PCDHGB4: variants seen among roughly 807,000 people sequenced by gnomAD.
PCDHGB4 encodes the protein protocadherin gamma subfamily B, 4.
Under a neutral mutation model 60.5 loss-of-function variants are expected in PCDHGB4, and 38 were observed. The observed-to-expected ratio is 0.63, with a 90% CI of 0.48 to 0.82. The LOEUF is 0.82. Among genes scored for constraint, PCDHGB4 ranks in the 40% least tolerant of loss-of-function variants. The pLI is 0.00. For missense variants in PCDHGB4, 1,109 were observed against 1,209.6 expected (o/e 0.92, Z 1.23); for synonymous variants, 456 against 509.7 (o/e 0.89, Z 1.42).
rs1030000451 is a variant in PCDHGB4, at chr5:141,432,417, T to G, written c.2397+42136T>G. 2.5e-6 allele frequency: 4 copies of G among 1,614,124 alleles called. No individual in the cohort carries two copies. In the African/African-American group the frequency reaches 5.3e-5, roughly 22 times the overall value. On this transcript the variant is annotated intron_variant, in intron 1 of 3. Coordinates refer to ENST00000519479, the MANE Select transcript of PCDHGB4 (RefSeq NM_003736.4). This position sits in a 1 kb window ranked among gnomAD's most constrained non-coding sequence, Gnocchi z 6.0. The stretch of plus-strand genomic sequence containing the variant: ...AACGTGTCGTTGAGCCTGTTCGTGC[T>G]GGACCAGAACGACAATGCGCCCGAG...
chr5:141,444,240 C>A (rs1017550385), intron 1 of PCDHGB4, among the ~76,000 whole-genome samples: 1 of 128,688 alleles, frequency 7.8e-6, no homozygotes, highest in Admixed American at 9.7e-5. Flanking sequence ...GGCATGCTCT[C>A]GGCTCACTGC....
chr5:141,471,789 TCATATAAAAGA>T (rs777265354), intron 1 of PCDHGB4, among the ~76,000 whole-genome samples: 14 of 152,224 alleles, frequency 9.2e-5, no homozygotes, highest in Non-Finnish European at 1.9e-4. Flanking sequence ...TTATGCTATG[TCATATAAAAGA>T]CATATAAAAG....
chr5:141,395,016 G>GTGCC (rs1354536790), intron 1 of PCDHGB4: 2 of 1,613,950 alleles, frequency 1.2e-6, no homozygotes, highest in Non-Finnish European at 1.7e-6. Flanking sequence ...ATTGGTAGGC[G>GTGCC]TGCCTGCCTC....
Position 141,489,434 on chromosome 5 carries a change from A to G in PCDHGB4, c.2398-5373A>G. On this transcript the variant is annotated intron_variant, in intron 1 of 3. Transcript: ENST00000519479. This position sits in a 1 kb window ranked among gnomAD's most constrained non-coding sequence, Gnocchi z 4.5. ...ACAGATCTGTTGAGCCGGCGGCTGC[A>G]ATTGGGCTCTGAGGAGAATGGGCGC... 6.2e-7 allele frequency: 1 copy of G among 1,614,138 alleles called. No individual in the cohort carries two copies. The highest frequency in any genetic ancestry group is 8.5e-7 in the Non-Finnish European group (1 of 1,180,044).
At chr5:141,400,415 T>C (rs1054517262) in intron 1 of PCDHGB4, 16 of 1,614,080 alleles carry the variant, frequency 9.9e-6, no homozygotes, top group Non-Finnish European at 1.3e-5. Flanking sequence ...TTTAATTTCC[T>C]AAAATGTAGT....
At chr5:141,433,215 T>A (rs755571112) in intron 1 of PCDHGB4, 1 of 1,568,720 alleles carries the variant, frequency 6.4e-7, no homozygotes, top group South Asian at 1.2e-5. Flanking sequence ...TTTCTTTTTT[T>A]TTTTTAATTG....
At chr5:141,419,449 C>T (rs780917543) in intron 1 of PCDHGB4, 5 of 1,612,958 alleles carry the variant, frequency 3.1e-6, no homozygotes, top group Non-Finnish European at 4.2e-6. Context: ...CCTTCGAGCT[C>T]ACGCTGCAGG....
In PCDHGB4 at chr5:141,438,591, C is replaced by T. The variant is rs12717894; in HGVS notation, c.2397+48310C>T. 3.5e-3 allele frequency among the ~76,000 whole-genome samples: 262 copies of T among 75,376 alleles called. 1 individual carries two copies. The highest frequency in any genetic ancestry group is 4.5e-3 in the Non-Finnish European group (168 of 37,204). 49.4% of individuals were successfully genotyped at this position (75,376 alleles called of 152,430 possible). ...TCTGATATACATACATACATACATA[C>T]ATATATATATATATATATATATATA... On this transcript the variant is annotated intron_variant, in intron 1 of 3. Transcript: ENST00000519479.
In PCDHGB4 at chr5:141,489,950, A is replaced by G; in HGVS notation, c.2398-4857A>G. 2 of 1,614,192 alleles carry G rather than the reference A, an allele frequency of 1.2e-6. No individual in the cohort carries two copies. The highest frequency in any genetic ancestry group is 1.1e-5 in the South Asian group (1 of 91,088). ...TCTGTCATCGTGCTGGACATCAATG[A>G]TAATGCTCCAACCTTCCAATCCTCA... On this transcript the variant is annotated intron_variant, in intron 1 of 3. Transcript: ENST00000519479. The surrounding 1 kb of genome is among the most constrained non-coding windows in gnomAD (Gnocchi z 4.5).
In PCDHGB4 at chr5:141,511,402, A is replaced by C; in HGVS notation, c.*229A>C. On this transcript the variant is annotated 3_prime_UTR_variant, in exon 4 of 4. Transcript: ENST00000519479. Reference sequence around the variant, plus strand: ...TTCCGCTGGGAACCCCCATCCAATCAACTGCTGTACCCATGGGGGTAGTGG... The same window carrying C: ...TTCCGCTGGGAACCCCCATCCAATCCACTGCTGTACCCATGGGGGTAGTGG... The C allele has an allele frequency of 1.0e-6, 1 of 969,684 alleles. No individual in the cohort carries two copies. 60.1% of individuals were successfully genotyped at this position (969,684 alleles called of 1,614,324 possible).
intron 1 of PCDHGB4, chr5:141,409,913 G>A: frequency 6.2e-7 from 1 of 1,613,334 alleles, no homozygotes; most frequent in South Asian, 1.1e-5. Flanking sequence ...GGGTCCTGAC[G>A]GCTCCGCGTT....
intron 1 of PCDHGB4, among the ~76,000 whole-genome samples, chr5:141,461,739 C>T (rs1048636018): frequency 3.9e-5 from 6 of 152,134 alleles, no homozygotes; most frequent in Non-Finnish European, 7.4e-5. Context: ...GGCACAATCC[C>T]GGCTCCCAGA....
intron 1 of PCDHGB4, among the ~76,000 whole-genome samples, chr5:141,435,227 G>T (rs1461159947): frequency 1.3e-5 from 2 of 152,030 alleles, no homozygotes; most frequent in African/African-American, 4.8e-5. Context: ...TTCTTTCAAA[G>T]TTCAGTAATT....
chr5:141,390,436 C>A, intron 1 of PCDHGB4, 155 bp downstream of exon 1: 1 of 949,978 alleles, frequency 1.1e-6, no homozygotes, highest in Non-Finnish European at 1.5e-6. Flanking sequence ...TCATATCATT[C>A]TACAAAGGAG....
intron 1 of PCDHGB4, chr5:141,409,789 G>T: frequency 6.2e-7 from 1 of 1,612,036 alleles, no homozygotes; most frequent in Non-Finnish European, 8.5e-7. Context: ...GCGCCTTCGC[G>T]CTCACGCTGC....
At position 141,432,783 on chromosome 5, in the gene PCDHGB4, T is replaced by G; in HGVS notation, c.2397+42502T>G. The G allele has an allele frequency of 6.2e-7, 1 of 1,614,118 alleles. No individual in the cohort carries two copies. On this transcript the variant is annotated intron_variant, in intron 1 of 3. Transcript: ENST00000519479. The surrounding 1 kb of genome is among the most constrained non-coding windows in gnomAD (Gnocchi z 6.0). ...AGCATCCCCCAAGTCCTGGCGGACC[T>G]CGGCAGCCTCGAGTCTCCAGCTAAC...
At chr5:141,500,184 T>A (rs889800014) in intron 2 of PCDHGB4, among the ~76,000 whole-genome samples, 89 of 135,966 alleles carry the variant, frequency 6.5e-4, no homozygotes, top group African/African-American at 2.4e-3. Flanking sequence ...TCATTTTTAT[T>A]TTTATTTATT....
Position 141,485,626 on chromosome 5 carries a change from T to A in PCDHGB4, c.2398-9181T>A, listed in dbSNP as rs2099616815. 6.2e-7 allele frequency: 1 copy of A among 1,611,740 alleles called. No individual in the cohort carries two copies. On this transcript the variant is annotated intron_variant, in intron 1 of 3. Coordinates refer to ENST00000519479, the MANE Select transcript of PCDHGB4 (RefSeq NM_003736.4). This position sits in a 1 kb window ranked among gnomAD's most constrained non-coding sequence, Gnocchi z 5.7. Reference sequence around the variant, plus strand: ...GGGAGGCAGCTCCTCCAGGACAGCGTTTCCCGTTGGAAAAGGCTCAGGATG... The same window carrying A: ...GGGAGGCAGCTCCTCCAGGACAGCGATTCCCGTTGGAAAAGGCTCAGGATG...
At chr5:141,438,571 T>TATAC (rs1212381177) in intron 1 of PCDHGB4, among the ~76,000 whole-genome samples, 15 of 94,542 alleles carry the variant, frequency 1.6e-4, no homozygotes, top group South Asian at 1.0e-3. Flanking sequence ...AGCTGTCTGA[T>TATAC]ATACATACAT....
Sources: gnomAD v4.1 joint callset for allele counts (sites outside exome capture counted in the v4.1 genomes callset) on GRCh38, gnomAD v4.1.1 for gene constraint, Gnocchi (gnomAD v3.1) non-coding constraint, MANE v1.5 for transcripts, NCBI Gene and HGNC (gene_info 2026-07-23, HGNC 2026-07-21) for gene names.